APBA1: variants seen among roughly 807,000 people sequenced by gnomAD.
The protein encoded by APBA1 is amyloid-beta A4 precursor protein-binding family A member 1.
APBA1 carries 55 observed loss-of-function variants against 86.6 expected under a neutral mutation model. That is an observed-to-expected ratio of 0.64 (90% CI 0.51 to 0.80). The LOEUF (loss-of-function observed/expected upper bound fraction) is 0.80, where lower values mean the gene tolerates loss of function less well. Ranked by LOEUF, APBA1 falls within the 30% of genes least tolerant of loss-of-function variation. APBA1 has a pLI of 0.00. For missense variants in APBA1, 1,090 were observed against 1,183.0 expected (o/e 0.92, Z 1.15); for synonymous variants, 511 against 493.9 (o/e 1.03, Z -0.46).
At chr9:69,591,169 C>G (rs535287276) in intron 1 of APBA1, among the ~76,000 whole-genome samples, 1 of 152,122 alleles carries the variant, frequency 6.6e-6, no homozygotes, top group Non-Finnish European at 1.5e-5. Flanking sequence ...GCAGAACTTC[C>G]GATGTGAGGT....
At chr9:69,524,057 C>T (rs1836305108) in intron 1 of APBA1, among the ~76,000 whole-genome samples, 1 of 152,004 alleles carries the variant, frequency 6.6e-6, no homozygotes, top group South Asian at 2.1e-4. Context: ...GACACAGATA[C>T]CAAAATCTCT....
intron 1 of APBA1, among the ~76,000 whole-genome samples, chr9:69,526,252 C>T (rs1009032462): frequency 6.6e-6 from 1 of 151,972 alleles, no homozygotes; most frequent in Non-Finnish European, 1.5e-5. Context: ...AGCTTCTGCA[C>T]AGCAAAAGAA....
intron 1 of APBA1, among the ~76,000 whole-genome samples, chr9:69,640,829 T>C (rs940897466): frequency 6.6e-6 from 1 of 152,034 alleles, no homozygotes; most frequent in African/African-American, 2.4e-5. Context: ...CCGCACTTAA[T>C]GGTGAAAGAC....
intron 1 of APBA1, among the ~76,000 whole-genome samples, chr9:69,595,073 G>A (rs1564086977): frequency 6.6e-6 from 1 of 152,104 alleles, no homozygotes; most frequent in East Asian, 1.9e-4. Context: ...CAAAATACAG[G>A]TTCTACATAC....
chr9:69,487,112 T>G (rs1324552956), intron 2 of APBA1, among the ~76,000 whole-genome samples: 2 of 151,940 alleles, frequency 1.3e-5, no homozygotes, highest in African/African-American at 4.8e-5. Flanking sequence ...TCCAAATAGA[T>G]GATGAACAAC....
intron 1 of APBA1, among the ~76,000 whole-genome samples, chr9:69,549,878 T>C (rs1164525683): frequency 6.6e-6 from 1 of 152,164 alleles, no homozygotes; most frequent in African/African-American, 2.4e-5. Flanking sequence ...TGCTGAAAAA[T>C]TGGAACTGAG....
chr9:69,611,268 T>C (rs1822580271), intron 1 of APBA1, among the ~76,000 whole-genome samples: 1 of 123,372 alleles, frequency 8.1e-6, no homozygotes, highest in South Asian at 2.5e-4. Context: ...CTGTCTGACA[T>C]GCAGGGACCA....
intron 2 of APBA1, among the ~76,000 whole-genome samples, chr9:69,498,136 C>G (rs918810741): frequency 2.0e-5 from 3 of 152,086 alleles, no homozygotes; most frequent in African/African-American, 7.2e-5. Context: ...TAGGATATCA[C>G]CCTGTGACTG....
intron 1 of APBA1, among the ~76,000 whole-genome samples, chr9:69,663,072 T>C (rs552910228): frequency 2.0e-5 from 3 of 152,248 alleles, no homozygotes; most frequent in Non-Finnish European, 4.4e-5. Context: ...AACACTCTTC[T>C]GATAAATGTA....
At chr9:69,513,950 C>G (rs1244811837) in intron 2 of APBA1, among the ~76,000 whole-genome samples, 1 of 152,124 alleles carries the variant, frequency 6.6e-6, no homozygotes, top group Non-Finnish European at 1.5e-5. Context: ...TATCTTACTC[C>G]AAGATCCATT....
chr9:69,535,417 A>T (rs1293136989), intron 1 of APBA1, among the ~76,000 whole-genome samples: 1 of 152,144 alleles, frequency 6.6e-6, no homozygotes, highest in East Asian at 1.9e-4. Flanking sequence ...TCTCTCTGGT[A>T]CCTTTCAATA....
At chr9:69,499,464 A>G (rs1160118005) in intron 2 of APBA1, among the ~76,000 whole-genome samples, 1 of 152,114 alleles carries the variant, frequency 6.6e-6, no homozygotes, top group African/African-American at 2.4e-5. Flanking sequence ...TGTAATCAGC[A>G]AGAGGAAATC....
intron 1 of APBA1, among the ~76,000 whole-genome samples, chr9:69,573,369 G>A (rs531775444): frequency 7.8e-4 from 119 of 152,214 alleles, no homozygotes; most frequent in African/African-American, 2.7e-3. Context: ...GACTGAGGCA[G>A]GAGGATCACC....
intron 1 of APBA1, among the ~76,000 whole-genome samples, chr9:69,641,898 T>G (rs1485233676): frequency 6.6e-6 from 1 of 152,164 alleles, no homozygotes; most frequent in Non-Finnish European, 1.5e-5. Flanking sequence ...CAGGCTGGAG[T>G]GCCGTGGCGT....
At position 69,516,249 on chromosome 9, in the gene APBA1, C is replaced by G. The variant is rs1367456773; in HGVS notation, c.962G>C (p.Gly321Ala). The G allele has an allele frequency of 1.5e-6, 2 of 1,376,772 alleles. No individual in the cohort carries two copies. The highest frequency in any genetic ancestry group is 1.9e-6 in the Non-Finnish European group (2 of 1,069,696). 85.3% of individuals were successfully genotyped at this position (1,376,772 alleles called of 1,614,324 possible). Reference protein sequence around the residue: ...PDSPGLQAPAGQQRAVGPAGG... With the variant: ...PDSPGLQAPAAQQRAVGPAGG... ...CGCGGGGCCCACCGCCCGCTGCTGCCCCGCCGGCGCCTGCAGCCCGGGGCT... is the reference window on the plus strand; with the variant it reads ...CGCGGGGCCCACCGCCCGCTGCTGCGCCGCCGGCGCCTGCAGCCCGGGGCT... Residue 321 changes from glycine to alanine, a missense_variant, in exon 2 of 13, where the codon GGG becomes GCG. By Grantham distance (60) the Gly-to-Ala change is moderately conservative. Around this residue, in one of 6 missense-constraint regions of APBA1, gnomAD observed 678 missense variants for 647.1 expected, o/e 1.05. Coordinates refer to ENST00000265381, the MANE Select transcript of APBA1 (RefSeq NM_001163.4). The surrounding 1 kb of genome is among the most constrained non-coding windows in gnomAD (Gnocchi z 7.3).
At chr9:69,555,201 G>C (rs529065246) in intron 1 of APBA1, among the ~76,000 whole-genome samples, 4 of 152,250 alleles carry the variant, frequency 2.6e-5, no homozygotes, top group Admixed American at 2.6e-4. Flanking sequence ...ATTTTTCAAT[G>C]CATGGGAGGA....
At chr9:69,492,970 C>T (rs558934455) in intron 2 of APBA1, among the ~76,000 whole-genome samples, 5 of 151,990 alleles carry the variant, frequency 3.3e-5, no homozygotes, top group Non-Finnish European at 7.4e-5. Context: ...AGTAATTTCA[C>T]GTATGTAGAA....
intron 1 of APBA1, among the ~76,000 whole-genome samples, chr9:69,546,937 G>A (rs191847762): frequency 2.0e-4 from 31 of 152,220 alleles, no homozygotes; most frequent in Admixed American, 5.2e-4. Context: ...AAAAAGCTAC[G>A]GCAGTTTAAA....
chr9:69,446,045 C>T lies in APBA1; in HGVS notation c.2181+3539G>A, dbSNP rs554358135. ...AGTCACTGCAAAGAGCATGGACATA[C>T]ACTGAAACAAATTTGAACACAGCCT... On this transcript the variant is annotated intron_variant, in intron 10 of 12. Transcript: ENST00000265381. Among the ~76,000 whole-genome samples the T allele has an allele frequency of 6.6e-5, 10 of 152,282 alleles. No homozygotes were observed. The East Asian group carries it at 1.5e-3, about 24-fold the overall frequency.
Sources: gnomAD v4.1 joint callset for allele counts (sites outside exome capture counted in the v4.1 genomes callset) on GRCh38, gnomAD v4.1.1 for gene constraint, gnomAD v4.1.1 regional missense constraint, Gnocchi (gnomAD v3.1) non-coding constraint, MANE v1.5 for transcripts, NCBI Gene and HGNC (gene_info 2026-07-23, HGNC 2026-07-21) for gene names.